Variants in SLC25A37 observed in about 807,000 individuals in gnomAD.
SLC25A37 encodes the protein mitoferrin-1.
A neutral mutation model predicts 31.0 loss-of-function variants in SLC25A37; 17 were observed. That is an observed-to-expected ratio of 0.55 (90% CI 0.38 to 0.82). The LOEUF (loss-of-function observed/expected upper bound fraction) is 0.82. Among genes scored for constraint, SLC25A37 ranks in the 40% least tolerant of loss-of-function variants. The pLI, the probability that SLC25A37 is intolerant of heterozygous loss-of-function variation, is 0.00. For synonymous variants in SLC25A37, 222 were observed against 193.0 expected, an observed-to-expected ratio of 1.15 and a Z score of -1.24; for missense variants, 404 against 465.8, an observed-to-expected ratio of 0.87 and a Z score of 1.22.
intron 1 of SLC25A37, among the ~76,000 whole-genome samples, chr8:23,559,021 G>T (rs1802440872): frequency 6.6e-6 from 1 of 152,216 alleles, no homozygotes; most frequent in Non-Finnish European, 1.5e-5. Context: ...AAGGGCATAG[G>T]TTCCCATTGG....
At chr8:23,564,865 GT>G (rs1802611311) in intron 1 of SLC25A37, among the ~76,000 whole-genome samples, 1 of 143,318 alleles carries the variant, frequency 7.0e-6, no homozygotes, top group Admixed American at 7.4e-5. Context: ...ACCTGTCTCT[GT>G]CTGTCTGTCT....
At position 23,566,300 on chromosome 8, in the gene SLC25A37, G is replaced by A. The variant is rs1423433639; in HGVS notation, c.403G>A (p.Val135Ile). 4.4e-6 allele frequency: 7 copies of A among 1,594,736 alleles called. No individual in the cohort carries two copies. Among genetic ancestry groups the A allele is most frequent in the African/African-American group, 1.4e-5 (1 of 73,762 alleles). ...AAACATGAAAAGGACTTTAAATGACGTTTTCCACCACCAAGGAAACAGCCA... is the reference window on the plus strand; with the variant it reads ...AAACATGAAAAGGACTTTAAATGACATTTTCCACCACCAAGGAAACAGCCA... ...YENMKRTLNDVFHHQGNSHLA... is the reference protein window; with the variant it reads ...YENMKRTLNDIFHHQGNSHLA... The change falls in exon 2 of 4, where the codon GTT becomes ATT. Residue 135 changes from valine to isoleucine, a missense_variant. Val to Ile is a conservative substitution (Grantham distance 29). Coordinates refer to ENST00000519973, the MANE Select transcript of SLC25A37 (RefSeq NM_016612.4).
chr8:23,569,693 G>A (rs556943691), intron 3 of SLC25A37, among the ~76,000 whole-genome samples: 1 of 152,076 alleles, frequency 6.6e-6, no homozygotes, highest in Admixed American at 6.6e-5. Context: ...TTTAAATTTC[G>A]GGGGTAATAT....
rs147816167 is a variant in SLC25A37, at chr8:23,537,963, T to C, written c.210+8751T>C. Among the ~76,000 whole-genome samples, 371 of 152,038 alleles carry C rather than the reference T, an allele frequency of 2.4e-3. 1 individual carries two copies. Among genetic ancestry groups the C allele is most frequent in the African/African-American group, 8.5e-3 (354 of 41,454 alleles). ...AGGCACACAGACTGAAACTCTTTCCTCCTCCAGCCTTTCTTGGACTCATCC... is the reference window on the plus strand; with the variant it reads ...AGGCACACAGACTGAAACTCTTTCCCCCTCCAGCCTTTCTTGGACTCATCC... On this transcript the variant is annotated intron_variant, in intron 1 of 3. Transcript: ENST00000519973.
chr8:23,529,394 AC>A lies in SLC25A37; in HGVS notation c.210+186del, dbSNP rs1801617383. On this transcript the variant is annotated intron_variant, in intron 1 of 3. Coordinates refer to ENST00000519973, the MANE Select transcript of SLC25A37 (RefSeq NM_016612.4). This position sits in a 1 kb window ranked among gnomAD's most constrained non-coding sequence, Gnocchi z 4.1. ...AGCCTGGGCGCCGCGCCTTCCGCCG[AC>A]CCCGCGAGGGTGCCCGGTCCTCGCC... 6.6e-6 allele frequency among the ~76,000 whole-genome samples: 1 copy of A among 150,900 alleles called. No individual in the cohort carries two copies.
In SLC25A37 at chr8:23,572,139, C is replaced by A. The variant is rs1223715764; in HGVS notation, c.*284C>A. Reference sequence around the variant, plus strand: ...ATGTAGCTTTTCTGCTTCACTGTGGCAGCCTCCTCCCTGGATCCTTAGATC... The same window carrying A: ...ATGTAGCTTTTCTGCTTCACTGTGGAAGCCTCCTCCCTGGATCCTTAGATC... On this transcript the variant is annotated 3_prime_UTR_variant, in exon 4 of 4. Transcript: ENST00000519973. 8.0e-6 allele frequency: 2 copies of A among 250,956 alleles called. No homozygotes were observed. The highest frequency in any genetic ancestry group is 9.2e-5 in the South Asian group (1 of 10,876). 15.5% of individuals were successfully genotyped at this position (250,956 alleles called of 1,614,324 possible).
At chr8:23,562,004 C>T (rs554018444) in intron 1 of SLC25A37, among the ~76,000 whole-genome samples, 22 of 152,312 alleles carry the variant, frequency 1.4e-4, no homozygotes, top group African/African-American at 4.8e-4. Context: ...AGCCAGTTCT[C>T]CATGCTCTGT....
At chr8:23,552,878 G>A (rs1487613742) in intron 1 of SLC25A37, among the ~76,000 whole-genome samples, 1 of 152,196 alleles carries the variant, frequency 6.6e-6, no homozygotes, top group Non-Finnish European at 1.5e-5. Flanking sequence ...GGAACTGAAA[G>A]CAAAAGAAAG....
intron 1 of SLC25A37, among the ~76,000 whole-genome samples, chr8:23,544,944 G>A (rs1468607655): frequency 6.6e-6 from 1 of 152,216 alleles, no homozygotes; most frequent in Non-Finnish European, 1.5e-5. Context: ...CTAAGGACCC[G>A]AGGAGGGTGG....
In SLC25A37 at chr8:23,572,492, T is replaced by G. The variant is rs1358347917; in HGVS notation, c.*637T>G. On this transcript the variant is annotated 3_prime_UTR_variant, in exon 4 of 4. Coordinates refer to ENST00000519973, the MANE Select transcript of SLC25A37 (RefSeq NM_016612.4). ...CAGTGAATGTGGCCGGCAGCTGTGTTTAGCCCCTCCAGATGGAAGTTTCAC... is the reference window on the plus strand; with the variant it reads ...CAGTGAATGTGGCCGGCAGCTGTGTGTAGCCCCTCCAGATGGAAGTTTCAC... The G allele has an allele frequency of 6.5e-5, 10 of 152,730 alleles. No homozygotes were observed. In the East Asian group the frequency reaches 1.9e-3, roughly 29 times the overall value. The allele number at this position is 152,730 out of a possible 1,614,324, so 9.5% of individuals were successfully genotyped here.
intron 1 of SLC25A37, among the ~76,000 whole-genome samples, chr8:23,553,512 G>A (rs1470720057): frequency 3.3e-5 from 5 of 152,182 alleles, no homozygotes; most frequent in East Asian, 1.9e-4. Context: ...TTTATGGGCC[G>A]GTGACATTGA....
At chr8:23,545,631 C>G (rs755694967) in intron 1 of SLC25A37, among the ~76,000 whole-genome samples, 2 of 152,176 alleles carry the variant, frequency 1.3e-5, no homozygotes, top group African/African-American at 2.4e-5. Context: ...GTGTGTGGGC[C>G]TTTTTCAGGG....
chr8:23,566,593 T>C (rs1349320387), intron 2 of SLC25A37: 3 of 1,234,594 alleles, frequency 2.4e-6, no homozygotes, highest in East Asian at 3.9e-5. Flanking sequence ...TTTGGTTTTA[T>C]TGTTATGTGG....
intron 1 of SLC25A37, among the ~76,000 whole-genome samples, chr8:23,536,699 GC>G (rs1486741121): frequency 6.6e-6 from 1 of 152,148 alleles, no homozygotes; most frequent in African/African-American, 2.4e-5. Context: ...CCTCGGGCCT[GC>G]CCTTCTGCCT....
intron 1 of SLC25A37, among the ~76,000 whole-genome samples, chr8:23,532,781 G>A (rs1801688044): frequency 6.6e-6 from 1 of 152,202 alleles, no homozygotes; most frequent in Admixed American, 6.5e-5. Context: ...CAGCTCAGCA[G>A]AGCATTACCT....
chr8:23,542,481 C>T (rs575793591), intron 1 of SLC25A37, among the ~76,000 whole-genome samples: 5 of 146,464 alleles, frequency 3.4e-5, no homozygotes, highest in South Asian at 4.3e-4. Context: ...TGGGTTCAAG[C>T]GATTCTCCTG....
intron 3 of SLC25A37, chr8:23,568,593 T>C: frequency 1.7e-6 from 1 of 578,508 alleles, no homozygotes; most frequent in Non-Finnish European, 3.1e-6. Context: ...TCGGAGCTAC[T>C]CAAAGTGTGT....
In SLC25A37 at chr8:23,572,723, T is replaced by G. The variant is rs982442141; in HGVS notation, c.*868T>G. On this transcript the variant is annotated 3_prime_UTR_variant, in exon 4 of 4. Coordinates refer to ENST00000519973, the MANE Select transcript of SLC25A37 (RefSeq NM_016612.4). ...AGATCTGGCCCTGGCCTATTTTCTC[T>G]TGCTGTGTACACACACGCACACATG... is the stretch of plus-strand genomic sequence containing the variant. 3 of 152,140 alleles carry G rather than the reference T, an allele frequency of 2.0e-5. No individual in the cohort carries two copies. Among genetic ancestry groups the G allele is most frequent in the African/African-American group, 7.2e-5 (3 of 41,422 alleles). The allele number at this position is 152,140 out of a possible 1,614,324, so 9.4% of individuals were successfully genotyped here. A position where few individuals can be genotyped will look rare whatever the true frequency, so the allele number is the denominator to read the frequency against.
At chr8:23,549,027 C>T (rs1802150590) in intron 1 of SLC25A37, among the ~76,000 whole-genome samples, 1 of 152,142 alleles carries the variant, frequency 6.6e-6, no homozygotes, top group Non-Finnish European at 1.5e-5. Context: ...CTGCATTTGC[C>T]CTCATTGCAC....
Sources: gnomAD v4.1 joint callset for allele counts (sites outside exome capture counted in the v4.1 genomes callset) on GRCh38, gnomAD v4.1.1 for gene constraint, Gnocchi (gnomAD v3.1) non-coding constraint, MANE v1.5 for transcripts, NCBI Gene and HGNC (gene_info 2026-07-23, HGNC 2026-07-21) for gene names.